The following IQUB variants were observed in gnomAD, a reference collection of about 807,000 sequenced individuals.
The protein encoded by IQUB is IQ motif and ubiquitin-like domain-containing protein.
A neutral mutation model predicts 86.4 loss-of-function variants in IQUB; 86 were observed. That is an observed-to-expected ratio of 1.00 (90% confidence interval 0.84 to 1.19). IQUB has a LOEUF of 1.19. Ranked by LOEUF, IQUB falls within the 50% of genes most tolerant of loss-of-function variation. The pLI is 0.00. For missense variants in IQUB, 946 were observed against 916.9 expected, an observed-to-expected ratio of 1.03 and a Z score of -0.41; for synonymous variants, 289 against 304.5, an observed-to-expected ratio of 0.95 and a Z score of 0.53.
At chr7:123,529,701 C>T (rs35581388) in intron 1 of IQUB, among the ~76,000 whole-genome samples, 1 of 94,840 alleles carries the variant, frequency 1.1e-5, no homozygotes, top group African/African-American at 4.2e-5. Flanking sequence ...GCCTGGCCAA[C>T]ATAGTGAAAC....
At chr7:123,520,299 T>TA (rs1297704865) in intron 1 of IQUB, among the ~76,000 whole-genome samples, 6 of 152,054 alleles carry the variant, frequency 3.9e-5, no homozygotes, top group Non-Finnish European at 8.8e-5. Flanking sequence ...ATCTGCAGTT[T>TA]AAAAAAAGCT....
intron 1 of IQUB, among the ~76,000 whole-genome samples, chr7:123,529,751 AC>A (rs1167491193): frequency 1.5e-4 from 22 of 148,038 alleles, no homozygotes; most frequent in African/African-American, 5.5e-4. Flanking sequence ...AAAAAAAAAA[AC>A]AGGCTAGGTG....
intron 1 of IQUB, among the ~76,000 whole-genome samples, chr7:123,520,545 G>A (rs1584646517): frequency 6.6e-6 from 1 of 152,132 alleles, no homozygotes; most frequent in African/African-American, 2.4e-5. Flanking sequence ...AAATAAGCAA[G>A]GCATGAGGAC....
At chr7:123,477,077 G>A (rs2117058106) in intron 8 of IQUB, among the ~76,000 whole-genome samples, 1 of 152,062 alleles carries the variant, frequency 6.6e-6, no homozygotes, top group African/African-American at 2.4e-5. Context: ...CACAGAATTG[G>A]AAAAAAACTA....
intron 1 of IQUB, among the ~76,000 whole-genome samples, chr7:123,521,965 G>C (rs1486500315): frequency 6.6e-6 from 1 of 152,088 alleles, no homozygotes; most frequent in African/African-American, 2.4e-5. Context: ...CAGAAGGGCT[G>C]ACTGGAGCCA....
intron 7 of IQUB, among the ~76,000 whole-genome samples, chr7:123,489,303 T>C (rs1174178430): frequency 1.3e-5 from 2 of 152,140 alleles, no homozygotes; most frequent in Non-Finnish European, 2.9e-5. Flanking sequence ...TAAGAACTCA[T>C]ACTCCCTGGA....
intron 12 of IQUB, 144 bp downstream of exon 12, chr7:123,457,237 A>C: frequency 7.1e-7 from 1 of 1,416,798 alleles, no homozygotes; most frequent in South Asian, 1.5e-5. Flanking sequence ...TGCCATCCAT[A>C]AATTTTTTTG....
intron 1 of IQUB, among the ~76,000 whole-genome samples, chr7:123,534,060 G>A (rs79396208): frequency 0.015 from 2,304 of 152,302 alleles, 24 homozygotes; most frequent in Non-Finnish European, 0.024. Flanking sequence ...AAGAGGCAAA[G>A]ACCAAGGGTG....
intron 7 of IQUB, among the ~76,000 whole-genome samples, chr7:123,484,341 A>C (rs1234848376): frequency 2.0e-5 from 3 of 152,082 alleles, no homozygotes; most frequent in Non-Finnish European, 2.9e-5. Flanking sequence ...GAACTTTAAG[A>C]ACTATGATAA....
At chr7:123,487,803 TG>T (rs1795271898) in intron 7 of IQUB, among the ~76,000 whole-genome samples, 1 of 152,184 alleles carries the variant, frequency 6.6e-6, no homozygotes, top group African/African-American at 2.4e-5. Context: ...CACTTCCATA[TG>T]TGTATACTGC....
At chr7:123,486,388 C>G (rs976977523) in intron 7 of IQUB, among the ~76,000 whole-genome samples, 1 of 152,140 alleles carries the variant, frequency 6.6e-6, no homozygotes, top group African/African-American at 2.4e-5. Flanking sequence ...CTTCTCAATA[C>G]CCTGGCACAG....
chr7:123,484,379 A>G (rs1795131822), intron 7 of IQUB, among the ~76,000 whole-genome samples: 1 of 152,048 alleles, frequency 6.6e-6, no homozygotes, highest in Admixed American at 6.6e-5. Flanking sequence ...GCAGTTTATG[A>G]ATGAAGAGAA....
At chr7:123,463,258 T>C (rs946719445) in intron 10 of IQUB, among the ~76,000 whole-genome samples, 3 of 151,678 alleles carry the variant, frequency 2.0e-5, no homozygotes, top group African/African-American at 7.2e-5. Context: ...TAAACATGCA[T>C]TTACCATGTG....
chr7:123,528,029 T>A (rs1797339681), intron 1 of IQUB, among the ~76,000 whole-genome samples: 1 of 152,246 alleles, frequency 6.6e-6, no homozygotes, highest in African/African-American at 2.4e-5. Flanking sequence ...CCGCCGTTTT[T>A]TAAGCCTGTC....
chr7:123,464,203 G>GCA (rs1297727145), intron 10 of IQUB, among the ~76,000 whole-genome samples: 2 of 151,800 alleles, frequency 1.3e-5, no homozygotes, highest in African/African-American at 4.8e-5. Context: ...AAATAGCTCT[G>GCA]CACAGTAAGA....
At chr7:123,526,827 C>T (rs1016951797) in intron 1 of IQUB, among the ~76,000 whole-genome samples, 19 of 152,004 alleles carry the variant, frequency 1.2e-4, no homozygotes, top group Non-Finnish European at 2.2e-4. Context: ...GATTTTGCAG[C>T]GGCTGGTACC....
At chr7:123,530,841 C>T (rs1196918743) in intron 1 of IQUB, among the ~76,000 whole-genome samples, 1 of 151,804 alleles carries the variant, frequency 6.6e-6, no homozygotes, top group Non-Finnish European at 1.5e-5. Context: ...CATGCCTGGC[C>T]AATTTTTGTA....
chr7:123,506,378 T>C (rs1265578529), intron 3 of IQUB, among the ~76,000 whole-genome samples: 1 of 152,152 alleles, frequency 6.6e-6, no homozygotes, highest in Admixed American at 6.5e-5. Flanking sequence ...TCTGTATTAG[T>C]CCGTTCTCAC....
intron 11 of IQUB, among the ~76,000 whole-genome samples, chr7:123,459,156 C>A (rs1423272425): frequency 1.3e-5 from 2 of 151,948 alleles, no homozygotes; most frequent in Non-Finnish European, 2.9e-5. Flanking sequence ...CAAAACCCTA[C>A]ATAGATACGG....
Sources: allele counts gnomAD v4.1 joint callset (sites outside exome capture counted in the v4.1 genomes callset), GRCh38; gene constraint gnomAD v4.1.1; transcripts MANE v1.5; gene names NCBI Gene and HGNC (gene_info 2026-07-23, HGNC 2026-07-21).